The following ZNF670 variants were observed in gnomAD, a reference collection of about 807,000 sequenced individuals.
ZNF670 encodes zinc finger protein 670.
ZNF670 carries 7 observed loss-of-function variants against 10.9 expected under a neutral mutation model. That is an observed-to-expected ratio of 0.64 (90% CI 0.36 to 1.20). The LOEUF (loss-of-function observed/expected upper bound fraction) is 1.20. Ranked by LOEUF, ZNF670 falls within the 50% of genes most tolerant of loss-of-function variation. The pLI is 0.02. For synonymous variants in ZNF670, 136 were observed against 152.7 expected, an observed-to-expected ratio of 0.89 and a Z score of 0.81; for missense variants, 446 against 458.6, an observed-to-expected ratio of 0.97 and a Z score of 0.25.
rs6663885 is a variant in ZNF670 at position 247,060,414 on chromosome 1, C to T, written c.3+18180G>A. Among the ~76,000 whole-genome samples, 128 of 152,248 alleles carry T rather than the reference C, an allele frequency of 8.4e-4. 1 individual carries two copies. Among genetic ancestry groups the T allele is most frequent in the Non-Finnish European group, 1.2e-3 (82 of 68,026 alleles). On this transcript the variant is annotated intron_variant, in intron 1 of 3. Coordinates refer to ENST00000366503, the MANE Select transcript of ZNF670 (RefSeq NM_033213.5). ...AATGTTGAACACCTGGACATCCATA[C>T]GCAAGGAAATAAAAAAGACACCTTG... is the stretch of plus-strand genomic sequence containing the variant.
chr1:247,071,421 T>C (rs993735972), intron 1 of ZNF670, among the ~76,000 whole-genome samples: 4 of 152,206 alleles, frequency 2.6e-5, no homozygotes, highest in African/African-American at 9.7e-5. Context: ...AGCTAAACGA[T>C]GAGTACACAC....
intron 1 of ZNF670, among the ~76,000 whole-genome samples, chr1:247,055,692 G>A (rs780072381): frequency 5.9e-5 from 9 of 151,970 alleles, no homozygotes; most frequent in African/African-American, 1.7e-4. Flanking sequence ...TGAGTTTAAC[G>A]GAACTAAATT....
chr1:247,056,109 A>C (rs72768397), intron 1 of ZNF670, among the ~76,000 whole-genome samples: 52,629 of 146,686 alleles, frequency 0.36, 10,681 homozygotes, highest in African/African-American at 0.55. Flanking sequence ...AGACAATCTT[A>C]CAGACCAAAA....
At position 247,035,382 on chromosome 1, in the gene ZNF670, A is replaced by C. The variant is rs148733031; in HGVS notation, c.*2067T>G. 2.5e-3 allele frequency among the ~76,000 whole-genome samples: 376 copies of C among 152,272 alleles called. 2 individuals carry two copies. The highest frequency in any genetic ancestry group is 8.8e-3 in the African/African-American group (365 of 41,520). ...AGACTTGCACTACGGAGCAGATAGAACAAACAGGGTGTAAGGGGAATGCTT... is the reference window on the plus strand; with the variant it reads ...AGACTTGCACTACGGAGCAGATAGACCAAACAGGGTGTAAGGGGAATGCTT... On this transcript the variant is annotated 3_prime_UTR_variant, in exon 4 of 4. Transcript: ENST00000366503.
intron 1 of ZNF670, chr1:247,042,861 C>G: frequency 1.6e-6 from 1 of 614,092 alleles, no homozygotes; most frequent in African/African-American, 1.8e-5. Context: ...TTTCCCTATT[C>G]TCTGTACTGT....
intron 1 of ZNF670, among the ~76,000 whole-genome samples, chr1:247,072,843 T>TACACACAC (rs1553323588): frequency 1.2e-5 from 1 of 85,810 alleles, no homozygotes; most frequent in African/African-American, 4.9e-5. Flanking sequence ...TATATATGCA[T>TACACACAC]ACACACACAT....
intron 1 of ZNF670, among the ~76,000 whole-genome samples, chr1:247,062,833 A>C (rs997362182): frequency 6.6e-5 from 10 of 152,152 alleles, no homozygotes; most frequent in Admixed American, 5.9e-4. Flanking sequence ...CTACACTCCC[A>C]TACCTCAGTC....
At chr1:247,068,318 CCAA>C (rs1671037950) in intron 1 of ZNF670, among the ~76,000 whole-genome samples, 2 of 32,004 alleles carry the variant, frequency 6.2e-5, no homozygotes, top group African/African-American at 6.0e-4. Flanking sequence ...GATTCTGTCT[CCAA>C]AAAAAAAAAA....
intron 1 of ZNF670, among the ~76,000 whole-genome samples, chr1:247,055,467 C>G (rs1670693214): frequency 6.6e-6 from 1 of 152,182 alleles, no homozygotes; most frequent in African/African-American, 2.4e-5. Flanking sequence ...TCATATTTGG[C>G]AACCCATTCA....
rs1470533863 is a variant in ZNF670, at chr1:247,078,741, C to T, written c.-145G>A. On this transcript the variant is annotated 5_prime_UTR_variant, in exon 1 of 4. Transcript: ENST00000366503. ...GGAGACGCACCGAGCTCGCCACATT[C>T]GCGCTGCCCAACACAAAAGCCGCGC... The T allele has an allele frequency of 3.5e-6, 3 of 855,974 alleles. No individual in the cohort carries two copies. The South Asian group carries it at 5.1e-5, about 14-fold the overall frequency. The allele number at this position is 855,974 out of a possible 1,614,324, so 53.0% of individuals were successfully genotyped here.
At position 247,061,547 on chromosome 1, in the gene ZNF670, C is replaced by T. The variant is rs542614713; in HGVS notation, c.3+17047G>A. The stretch of plus-strand genomic sequence containing the variant: ...AATAATAATAGAAAAAACTATACAA[C>T]GATATTTATACATTATACATCAAAG... On this transcript the variant is annotated intron_variant, in intron 1 of 3. Transcript: ENST00000366503. Among the ~76,000 whole-genome samples the T allele has an allele frequency of 9.9e-5, 15 of 152,008 alleles. 1 individual carries two copies. The highest frequency in any genetic ancestry group is 5.2e-4 in the Admixed American group (8 of 15,274).
chr1:247,068,067 C>T (rs1177321802), intron 1 of ZNF670, among the ~76,000 whole-genome samples: 1 of 150,266 alleles, frequency 6.7e-6, no homozygotes, highest in African/African-American at 2.5e-5. Flanking sequence ...GCCTGTAATC[C>T]CAGCACTTTG....
intron 1 of ZNF670, among the ~76,000 whole-genome samples, chr1:247,059,266 CCT>C (rs972372892): frequency 3.6e-4 from 54 of 151,722 alleles, no homozygotes; most frequent in African/African-American, 1.3e-3. Flanking sequence ...ACGGTGAAAC[CCT>C]GTCTCTACTA....
chr1:247,072,839 T>TACAC (rs1491560605), intron 1 of ZNF670, among the ~76,000 whole-genome samples: 2 of 68,576 alleles, frequency 2.9e-5, no homozygotes, highest in African/African-American at 2.1e-4. Flanking sequence ...TATATATATA[T>TACAC]GCATACACAC....
chr1:247,055,682 T>A (rs1306255419), intron 1 of ZNF670, among the ~76,000 whole-genome samples: 1 of 152,174 alleles, frequency 6.6e-6, no homozygotes, highest in Non-Finnish European at 1.5e-5. Flanking sequence ...TGAATAACAC[T>A]GAGTTTAACG....
rs187216017 is a variant in ZNF670, at chr1:247,042,893, G to A, written c.4-3356C>T. On this transcript the variant is annotated intron_variant, in intron 1 of 3. Transcript: ENST00000366503. Reference sequence around the variant, plus strand: ...CTGTAACTGGCTCAACTACAGCAGAGTGATAAAGAATTACTCCCAACACTG... The same window carrying A: ...CTGTAACTGGCTCAACTACAGCAGAATGATAAAGAATTACTCCCAACACTG... The A allele has an allele frequency of 5.3e-5, 35 of 655,076 alleles. No homozygotes were observed. The East Asian group carries it at 1.0e-3, about 19-fold the overall frequency. The allele number at this position is 655,076 out of a possible 1,614,324, so 40.6% of individuals were successfully genotyped here.
chr1:247,070,737 G>C (rs1671095141), intron 1 of ZNF670, among the ~76,000 whole-genome samples: 1 of 152,168 alleles, frequency 6.6e-6, no homozygotes, highest in Non-Finnish European at 1.5e-5. Flanking sequence ...CTGTGTATCT[G>C]ACAACGGTTT....
chr1:247,072,797 A>AATATAT (rs1354570608), intron 1 of ZNF670, among the ~76,000 whole-genome samples: 2 of 81,180 alleles, frequency 2.5e-5, no homozygotes, highest in Non-Finnish European at 4.8e-5. Flanking sequence ...CAAAAAAAAA[A>AATATAT]GTGTGTGTAT....
At chr1:247,058,443 T>C (rs1048634788) in intron 1 of ZNF670, among the ~76,000 whole-genome samples, 1 of 152,016 alleles carries the variant, frequency 6.6e-6, no homozygotes, top group Non-Finnish European at 1.5e-5. Context: ...AACCAATAAT[T>C]CAACCTTCCA....
Sources: allele counts gnomAD v4.1 joint callset (sites outside exome capture counted in the v4.1 genomes callset), GRCh38; gene constraint gnomAD v4.1.1; transcripts MANE v1.5; gene names NCBI Gene and HGNC (gene_info 2026-07-23, HGNC 2026-07-21).